The following RANBP2 variants were observed in gnomAD, a reference collection of about 807,000 sequenced individuals.
RANBP2 encodes RAN binding protein 2, also known as E3 SUMO-protein ligase RanBP2.
Under a neutral mutation model 303.6 loss-of-function variants are expected in RANBP2, and 57 were observed. The ratio of observed to expected loss-of-function variants is 0.19; its 90% CI spans 0.15 to 0.23. RANBP2 has a LOEUF of 0.23. Among genes scored for constraint, RANBP2 ranks in the 10% least tolerant of loss-of-function variants. The probability of loss-of-function intolerance (pLI) is 1.00; values close to 1 mark genes in which losing one functional copy is unlikely to be tolerated. For missense variants in RANBP2, 3,138 were observed against 3,780.8 expected (o/e 0.83, Z 4.46); for synonymous variants, 1,167 against 1,301.5 (o/e 0.90, Z 2.23).
the RANBP2 span, among the ~76,000 whole-genome samples, chr2:109,163,565 A>AT: frequency 6.6e-6 from 1 of 150,394 alleles, no homozygotes; most frequent in African/African-American, 2.4e-5. Context: ...CGCCCGGCTA[A>AT]TTTTTTTGTA....
At chr2:108,850,086 A>G in the RANBP2 span, among the ~76,000 whole-genome samples, 5 of 152,236 alleles carry the variant, frequency 3.3e-5, no homozygotes, top group Non-Finnish European at 7.3e-5. Flanking sequence ...CCTCGGAACT[A>G]CTGTCAGACA....
chr2:109,515,585 C>T, the RANBP2 span, among the ~76,000 whole-genome samples: 13 of 152,272 alleles, frequency 8.5e-5, no homozygotes, highest in South Asian at 8.3e-4. Flanking sequence ...AGATCTCCAG[C>T]ACCCCAAACT....
the RANBP2 span, among the ~76,000 whole-genome samples, chr2:109,578,255 G>C: frequency 5.3e-5 from 8 of 152,158 alleles, no homozygotes; most frequent in African/African-American, 1.9e-4. Context: ...GTCAGATTGT[G>C]TTTTAAAAGG....
chr2:108,873,581 C>T, the RANBP2 span: 1 of 1,585,666 alleles, frequency 6.3e-7, no homozygotes, highest in Non-Finnish European at 8.6e-7. Flanking sequence ...AGAAACTTTC[C>T]AAAATCAAGT....
At chr2:108,783,513 CTGTG>C in intron 28 of RANBP2, 79 bp from the exon 29 acceptor site, 2 of 1,008,784 alleles carry the variant, frequency 2.0e-6, no homozygotes, top group Non-Finnish European at 3.0e-6. Context: ...GTGATGAGTT[CTGTG>C]TGTATTTTAA....
the RANBP2 span, among the ~76,000 whole-genome samples, chr2:109,438,058 C>T: frequency 1.3e-5 from 2 of 152,186 alleles, no homozygotes; most frequent in Non-Finnish European, 2.9e-5. Flanking sequence ...TTCATGGAAG[C>T]AATAAAATAT....
chr2:109,637,628 G>A, the RANBP2 span, among the ~76,000 whole-genome samples: 1 of 152,158 alleles, frequency 6.6e-6, no homozygotes, highest in African/African-American at 2.4e-5. Flanking sequence ...TTGTTAACAA[G>A]GCACATCCTG....
the RANBP2 span, chr2:108,839,108 G>A: frequency 6.7e-5 from 94 of 1,404,420 alleles, no homozygotes; most frequent in Non-Finnish European, 8.8e-5. Context: ...AGATAATTTT[G>A]GAAAATTGTG....
chr2:109,564,488 G>A, the RANBP2 span: 11 of 1,569,954 alleles, frequency 7.0e-6, no homozygotes, highest in East Asian at 1.8e-4. Flanking sequence ...TTGTACAAAT[G>A]AGCATTTCCC....
chr2:109,117,622 G>A, the RANBP2 span, among the ~76,000 whole-genome samples: 30,217 of 152,192 alleles, frequency 0.2, 3,751 homozygotes, highest in Middle Eastern at 0.36. Context: ...TTCAGCTCGC[G>A]CACGGTGCGC....
chr2:109,062,610 C>T, the RANBP2 span, among the ~76,000 whole-genome samples: 1 of 152,130 alleles, frequency 6.6e-6, no homozygotes, highest in South Asian at 2.1e-4. Flanking sequence ...CAGGTGGATG[C>T]ATTTTTCCCA....
At chr2:109,006,590 GAGTGACCTC>G in the RANBP2 span, among the ~76,000 whole-genome samples, 1 of 152,172 alleles carries the variant, frequency 6.6e-6, no homozygotes, top group East Asian at 1.9e-4. Flanking sequence ...CAGCCCAAGG[GAGTGACCTC>G]AGTGGGATGT....
the RANBP2 span, among the ~76,000 whole-genome samples, chr2:108,924,158 T>C: frequency 6.6e-6 from 1 of 152,254 alleles, no homozygotes; most frequent in East Asian, 1.9e-4. Flanking sequence ...GTAGCTCTGT[T>C]TGAAGTCCTT....
the RANBP2 span, among the ~76,000 whole-genome samples, chr2:109,084,892 T>G: frequency 6.6e-6 from 1 of 152,266 alleles, no homozygotes; most frequent in Non-Finnish European, 1.5e-5. Context: ...GGAGGCAAGT[T>G]AGTTGCAGAG....
chr2:109,612,148 G>C, the RANBP2 span, among the ~76,000 whole-genome samples: 1 of 151,690 alleles, frequency 6.6e-6, no homozygotes, highest in Non-Finnish European at 1.5e-5. Context: ...GCAGATATAT[G>C]CAACAACCTG....
the RANBP2 span, among the ~76,000 whole-genome samples, chr2:109,039,106 CA>C: frequency 1.3e-5 from 2 of 152,152 alleles, no homozygotes; most frequent in African/African-American, 4.8e-5. Context: ...CCAATCCAAT[CA>C]ATGGAAGACT....
At chr2:109,161,625 C>A in the RANBP2 span, among the ~76,000 whole-genome samples, 1 of 152,022 alleles carries the variant, frequency 6.6e-6, no homozygotes, top group African/African-American at 2.4e-5. Flanking sequence ...GACTGGGCAA[C>A]TGGCAAGGGT....
At chr2:109,561,695 ACT>A in the RANBP2 span, among the ~76,000 whole-genome samples, 2 of 151,534 alleles carry the variant, frequency 1.3e-5, no homozygotes, top group Non-Finnish European at 2.9e-5. Flanking sequence ...ACACCCCTAA[ACT>A]CTCTGATTCC....
At chr2:109,251,417 A>G in the RANBP2 span, 2 of 703,790 alleles carry the variant, frequency 2.8e-6, no homozygotes, top group Admixed American at 3.5e-5. Context: ...CATGGAGTAG[A>G]CACCATGAGC....
Sources: allele counts gnomAD v4.1 joint callset (sites outside exome capture counted in the v4.1 genomes callset), GRCh38; gene constraint gnomAD v4.1.1; transcripts MANE v1.5; gene names NCBI Gene and HGNC (gene_info 2026-07-23, HGNC 2026-07-21).